Variants in KCNMA1 observed in about 807,000 individuals in gnomAD.
KCNMA1 encodes the protein Calcium-activated potassium channel subunit alpha-1.
A neutral mutation model predicts 140.0 loss-of-function variants in KCNMA1; 29 were observed. The observed-to-expected ratio is 0.21, with a 90% CI of 0.15 to 0.28. The LOEUF is 0.28. Among genes scored for constraint, KCNMA1 ranks in the 10% least tolerant of loss-of-function variants. The probability of loss-of-function intolerance (pLI) is 1.00; values close to 1 mark genes in which losing one functional copy is unlikely to be tolerated. For missense variants in KCNMA1, 880 were observed against 1,602.2 expected (o/e 0.55, Z 7.70); for synonymous variants, 612 against 611.9 (o/e 1.00, Z 0.00).
chr10:77,057,671 A>T (rs1333814024), intron 14 of KCNMA1, among the ~76,000 whole-genome samples: 1 of 152,018 alleles, frequency 6.6e-6, no homozygotes, highest in East Asian at 1.9e-4. Context: ...AAATCATGGA[A>T]TCCAAGTAGA....
chr10:76,947,398 CAAACACACA>C (rs1052605209), intron 22 of KCNMA1, among the ~76,000 whole-genome samples: 2 of 151,998 alleles, frequency 1.3e-5, no homozygotes, highest in Non-Finnish European at 2.9e-5. Context: ...GAAACATACA[CAAACACACA>C]AAACACACAC....
chr10:77,208,637 G>C (rs2044977672), intron 3 of KCNMA1, among the ~76,000 whole-genome samples: 1 of 152,192 alleles, frequency 6.6e-6, no homozygotes, highest in Non-Finnish European at 1.5e-5. Flanking sequence ...AGCATCTACT[G>C]TCCATCTTAT....
intron 1 of KCNMA1, among the ~76,000 whole-genome samples, chr10:77,501,929 A>C (rs1179513407): frequency 1.3e-5 from 2 of 152,218 alleles, no homozygotes; most frequent in African/African-American, 4.8e-5. Flanking sequence ...GAGATGTGTC[A>C]GGGATTTCAC....
intron 3 of KCNMA1, among the ~76,000 whole-genome samples, chr10:77,212,736 T>C (rs761910778): frequency 6.6e-6 from 1 of 152,134 alleles, no homozygotes; most frequent in Non-Finnish European, 1.5e-5. Flanking sequence ...CATTAAGCTG[T>C]ATGGTTAAGG....
intron 21 of KCNMA1, among the ~76,000 whole-genome samples, chr10:76,950,851 T>C (rs965532697): frequency 3.3e-5 from 5 of 152,152 alleles, no homozygotes; most frequent in South Asian, 2.1e-4. Flanking sequence ...ACCGGAGACA[T>C]AAGCTGTAAG....
chr10:77,284,858 T>C (rs986947998), intron 2 of KCNMA1, among the ~76,000 whole-genome samples: 6 of 152,116 alleles, frequency 3.9e-5, no homozygotes, highest in Non-Finnish European at 8.8e-5. Flanking sequence ...CCAGTGTCAT[T>C]CTTCTGTAAA....
intron 2 of KCNMA1, among the ~76,000 whole-genome samples, chr10:77,387,555 C>CTTTTT (rs869309939): frequency 8.8e-5 from 8 of 90,728 alleles, no homozygotes; most frequent in Admixed American, 2.3e-4. Flanking sequence ...CTTTTCTTTT[C>CTTTTT]TTTTTCTTTT....
At chr10:76,975,060 G>GT (rs1281324628) in intron 19 of KCNMA1, among the ~76,000 whole-genome samples, 1 of 152,084 alleles carries the variant, frequency 6.6e-6, no homozygotes, top group Non-Finnish European at 1.5e-5. Context: ...ATTAAATGCC[G>GT]TGAGTTTGCC....
chr10:77,523,929 A>T (rs1483156432), intron 1 of KCNMA1, among the ~76,000 whole-genome samples: 1 of 152,182 alleles, frequency 6.6e-6, no homozygotes, highest in Non-Finnish European at 1.5e-5. Context: ...TGTATATTTT[A>T]AAATAACTTA....
At chr10:77,384,352 G>A (rs903407039) in intron 2 of KCNMA1, among the ~76,000 whole-genome samples, 1 of 152,198 alleles carries the variant, frequency 6.6e-6, no homozygotes, top group Non-Finnish European at 1.5e-5. Flanking sequence ...CAGGGTTGAG[G>A]CAAGCCGTGG....
chr10:77,126,470 C>T (rs370234826), intron 5 of KCNMA1, among the ~76,000 whole-genome samples: 1 of 152,158 alleles, frequency 6.6e-6, no homozygotes, highest in South Asian at 2.1e-4. Flanking sequence ...TAATGACTAA[C>T]AACAATAATC....
At chr10:76,992,915 T>C (rs1204123228) in intron 19 of KCNMA1, among the ~76,000 whole-genome samples, 2 of 152,216 alleles carry the variant, frequency 1.3e-5, no homozygotes, top group African/African-American at 4.8e-5. Context: ...CAGTGGATTT[T>C]CAGTGAATGG....
intron 25 of KCNMA1, among the ~76,000 whole-genome samples, chr10:76,906,052 G>C (rs2047704715): frequency 6.6e-6 from 1 of 152,180 alleles, no homozygotes; most frequent in African/African-American, 2.4e-5. Context: ...TCATTTTAAA[G>C]ATGAGAAAAC....
chr10:77,317,026 T>G (rs1215126037), intron 2 of KCNMA1, among the ~76,000 whole-genome samples: 1 of 152,196 alleles, frequency 6.6e-6, no homozygotes, highest in Non-Finnish European at 1.5e-5. Flanking sequence ...TATAATGGAC[T>G]GAAGGTGCCT....
chr10:77,360,003 A>C (rs1329469874), intron 2 of KCNMA1, among the ~76,000 whole-genome samples: 1 of 152,212 alleles, frequency 6.6e-6, no homozygotes, highest in African/African-American at 2.4e-5. Context: ...AAGAATATTA[A>C]TAATATGAAC....
chr10:77,225,971 G>T (rs2051246720), intron 3 of KCNMA1, among the ~76,000 whole-genome samples: 1 of 152,200 alleles, frequency 6.6e-6, no homozygotes, highest in African/African-American at 2.4e-5. Context: ...TGCCCTGGGG[G>T]CCCCTGTTGC....
chr10:77,107,172 C>T (rs578246313), intron 9 of KCNMA1, among the ~76,000 whole-genome samples: 1 of 152,290 alleles, frequency 6.6e-6, no homozygotes, highest in Admixed American at 6.5e-5. Flanking sequence ...AAATACAATG[C>T]TCCCAGTCTG....
intron 1 of KCNMA1, among the ~76,000 whole-genome samples, chr10:77,483,512 G>A (rs1020820098): frequency 3.3e-5 from 5 of 152,190 alleles, no homozygotes; most frequent in African/African-American, 1.2e-4. Context: ...GGGAAAACTG[G>A]GGTGGAGGGC....
chr10:77,226,238 G>A (rs2051354137), intron 3 of KCNMA1, among the ~76,000 whole-genome samples: 2 of 151,988 alleles, frequency 1.3e-5, no homozygotes, highest in South Asian at 2.1e-4. Flanking sequence ...CCTTGCTGTA[G>A]GTACATATTG....
Sources: gnomAD v4.1 joint callset for allele counts (sites outside exome capture counted in the v4.1 genomes callset) on GRCh38, gnomAD v4.1.1 for gene constraint, MANE v1.5 for transcripts, NCBI Gene and HGNC (gene_info 2026-07-23, HGNC 2026-07-21) for gene names.